The following DLC1 variants were observed in gnomAD, a reference collection of about 807,000 sequenced individuals.
DLC1 encodes the protein rho GTPase-activating protein 7.
A neutral mutation model predicts 140.3 loss-of-function variants in DLC1; 54 were observed. The ratio of observed to expected loss-of-function variants is 0.38; its 90% confidence interval spans 0.31 to 0.48. The LOEUF is 0.48. Among genes scored for constraint, DLC1 ranks in the 20% least tolerant of loss-of-function variants. The pLI is 0.96. For synonymous variants in DLC1, 986 were observed against 728.1 expected (o/e 1.35, Z -5.70); for missense variants, 2,536 against 1,907.0 (o/e 1.33, Z -6.14).
chr8:13,188,924 C>T (rs1826581426), intron 5 of DLC1, among the ~76,000 whole-genome samples: 1 of 143,528 alleles, frequency 7.0e-6, no homozygotes, highest in African/African-American at 2.6e-5. Flanking sequence ...CTCCTGACCT[C>T]GTTATCCGCC....
At chr8:13,191,144 G>A (rs901592595) in intron 5 of DLC1, among the ~76,000 whole-genome samples, 1 of 152,214 alleles carries the variant, frequency 6.6e-6, no homozygotes, top group Non-Finnish European at 1.5e-5. Flanking sequence ...TGGAGTTCCT[G>A]AGGCCTCTTC....
intron 2 of DLC1, among the ~76,000 whole-genome samples, chr8:13,433,943 C>T (rs1464722620): frequency 1.3e-5 from 2 of 152,298 alleles, no homozygotes; most frequent in East Asian, 3.9e-4. Context: ...GCAATCTCCG[C>T]CTCCTGGGTT....
chr8:13,245,555 A>G (rs1381571745), intron 5 of DLC1, among the ~76,000 whole-genome samples: 1 of 152,142 alleles, frequency 6.6e-6, no homozygotes, highest in Admixed American at 6.5e-5. Context: ...CTGGGAACAC[A>G]TTCTAAATGA....
At chr8:13,110,922 T>C (rs1336987007) in intron 6 of DLC1, 99 bp from the exon 7 acceptor site, 4 of 1,045,258 alleles carry the variant, frequency 3.8e-6, no homozygotes, top group African/African-American at 3.1e-5. Context: ...TTCAGCAATA[T>C]ACTAAGCACC....
chr8:13,257,850 C>T (rs533852823), intron 5 of DLC1, among the ~76,000 whole-genome samples: 1 of 152,304 alleles, frequency 6.6e-6, no homozygotes, highest in East Asian at 1.9e-4. Flanking sequence ...CTCTCTCTGT[C>T]TCATAACATC....
chr8:13,286,510 C>T (rs1157673489), intron 5 of DLC1, among the ~76,000 whole-genome samples: 1 of 151,982 alleles, frequency 6.6e-6, no homozygotes, highest in South Asian at 2.1e-4. Flanking sequence ...AACATGTCAA[C>T]TCAATAATGA....
At chr8:13,603,067 G>A (rs1423909057) in intron 1 of DLC1, among the ~76,000 whole-genome samples, 1 of 151,710 alleles carries the variant, frequency 6.6e-6, no homozygotes, top group Non-Finnish European at 1.5e-5. Flanking sequence ...AATAATCAAG[G>A]TATAAATAAA....
intron 5 of DLC1, among the ~76,000 whole-genome samples, chr8:13,135,135 G>C (rs1585735131): frequency 6.6e-6 from 1 of 151,830 alleles, no homozygotes; most frequent in Non-Finnish European, 1.5e-5. Context: ...GAAAGTAAAA[G>C]CAAGAAGTTT....
chr8:13,131,430 A>C (rs571422514), intron 5 of DLC1, among the ~76,000 whole-genome samples: 3 of 152,344 alleles, frequency 2.0e-5, no homozygotes, highest in African/African-American at 7.2e-5. Flanking sequence ...CAATGCCACC[A>C]GCCTAGGCTG....
At chr8:13,440,694 G>A (rs1798467119) in intron 2 of DLC1, among the ~76,000 whole-genome samples, 1 of 152,030 alleles carries the variant, frequency 6.6e-6, no homozygotes, top group Non-Finnish European at 1.5e-5. Context: ...GGGATCTAGG[G>A]GGAGGTAATT....
intron 4 of DLC1, among the ~76,000 whole-genome samples, chr8:13,351,076 C>T (rs530347809): frequency 6.6e-6 from 1 of 152,172 alleles, no homozygotes; most frequent in Non-Finnish European, 1.5e-5. Flanking sequence ...GTAGAGGACT[C>T]TCATGTAATA....
chr8:13,222,806 C>T (rs1307502022), intron 5 of DLC1, among the ~76,000 whole-genome samples: 1 of 152,094 alleles, frequency 6.6e-6, no homozygotes, highest in East Asian at 1.9e-4. Context: ...TGCAGCGATG[C>T]AATCATAGCT....
intron 5 of DLC1, chr8:13,214,678 G>A: frequency 1.3e-6 from 1 of 780,830 alleles, no homozygotes; most frequent in South Asian, 1.3e-5. Context: ...CTGGGGAAAG[G>A]TGTAAGGAGA....
intron 1 of DLC1, among the ~76,000 whole-genome samples, chr8:13,547,263 T>G (rs563772263): frequency 6.6e-6 from 1 of 152,204 alleles, no homozygotes; most frequent in East Asian, 1.9e-4. Context: ...TACTGAAAAA[T>G]TATTAATATT....
chr8:13,205,757 T>C (rs548516127), intron 5 of DLC1, among the ~76,000 whole-genome samples: 100 of 152,328 alleles, frequency 6.6e-4, no homozygotes, highest in African/African-American at 2.3e-3. Context: ...AAGTCATTTA[T>C]GGATGAACAT....
At chr8:13,468,905 C>T (rs1365513016) in intron 2 of DLC1, among the ~76,000 whole-genome samples, 4 of 142,996 alleles carry the variant, frequency 2.8e-5, no homozygotes, top group Admixed American at 1.5e-4. Context: ...ACTGCAACCT[C>T]GGCCTCCCGG....
In DLC1 at chr8:13,478,227, C is replaced by T. The variant is rs554121194; in HGVS notation, c.1023+20822G>A. Reference sequence around the variant, plus strand: ...GAAAGTGAAGGGGGAGCAGGCACATCACATGATGAAAGCAGGAGTGAGTGA... The same window carrying T: ...GAAAGTGAAGGGGGAGCAGGCACATTACATGATGAAAGCAGGAGTGAGTGA... On this transcript the variant is annotated intron_variant, in intron 2 of 17. Transcript: ENST00000276297. 2.3e-4 allele frequency among the ~76,000 whole-genome samples: 35 copies of T among 151,708 alleles called. No homozygotes were observed. The South Asian group carries it at 5.9e-3, about 25-fold the overall frequency.
chr8:13,599,528 C>T (rs867702712), intron 1 of DLC1, among the ~76,000 whole-genome samples: 3 of 151,770 alleles, frequency 2.0e-5, no homozygotes, highest in Middle Eastern at 6.8e-3. Flanking sequence ...AGTTTATTAC[C>T]AAATCCCAAT....
chr8:13,374,012 T>C (rs1454856617), intron 4 of DLC1, among the ~76,000 whole-genome samples: 1 of 152,188 alleles, frequency 6.6e-6, no homozygotes, highest in Non-Finnish European at 1.5e-5. Flanking sequence ...AAGCCTTTAA[T>C]AAAGCAGAAA....
Sources: gnomAD v4.1 joint callset for allele counts (sites outside exome capture counted in the v4.1 genomes callset) on GRCh38, gnomAD v4.1.1 for gene constraint, MANE v1.5 for transcripts, NCBI Gene and HGNC (gene_info 2026-07-23, HGNC 2026-07-21) for gene names.